The following GRIK3 variants were observed in gnomAD, a reference collection of about 807,000 sequenced individuals.
GRIK3 encodes the protein glutamate receptor ionotropic, kainate 3.
GRIK3 carries 29 observed loss-of-function variants against 102.5 expected under a neutral mutation model. That is an observed-to-expected ratio of 0.28 (90% CI 0.21 to 0.39). The LOEUF (loss-of-function observed/expected upper bound fraction) is 0.39. Among genes scored for constraint, GRIK3 ranks in the 10% least tolerant of loss-of-function variants. GRIK3 has a pLI of 1.00. For missense variants in GRIK3, 908 were observed against 1,252.4 expected, an observed-to-expected ratio of 0.73 and a Z score of 4.15; for synonymous variants, 511 against 504.9, an observed-to-expected ratio of 1.01 and a Z score of -0.16.
chr1:37,009,394 C>A (rs1480326823), intron 1 of GRIK3, among the ~76,000 whole-genome samples: 1 of 152,178 alleles, frequency 6.6e-6, no homozygotes, highest in African/African-American at 2.4e-5. Flanking sequence ...AGAGCCTGGG[C>A]CCCCTCACAC....
At chr1:36,988,413 G>A (rs1229317232) in intron 1 of GRIK3, among the ~76,000 whole-genome samples, 4 of 152,236 alleles carry the variant, frequency 2.6e-5, no homozygotes, top group Non-Finnish European at 5.9e-5. Context: ...TCCCATCTCT[G>A]GGGCAGCAGG....
Position 36,825,803 on chromosome 1 carries a change from G to C in GRIK3, c.1554C>G (p.Pro518=), listed in dbSNP as rs748165179. The C allele has an allele frequency of 6.2e-7, 1 of 1,612,028 alleles. No homozygotes were observed. The highest frequency in any genetic ancestry group is 1.1e-5 in the South Asian group (1 of 90,662). ...TCTCTCGAACATGGGTGATGGTCAGGGGGGCCACGGCCAGATCTGCCTTCT... is the reference window on the plus strand; with the variant it reads ...TCTCTCGAACATGGGTGATGGTCAGCGGGGCCACGGCCAGATCTGCCTTCT... ...IDHKADLAVA[P]LTITHVREKA... The change falls in exon 11 of 16, where the codon CCC becomes CCG. Residue 518 remains proline (P), a synonymous_variant. Transcript: ENST00000373091.
At chr1:36,976,874 A>G (rs1483699884) in intron 1 of GRIK3, among the ~76,000 whole-genome samples, 2 of 152,126 alleles carry the variant, frequency 1.3e-5, no homozygotes, top group African/African-American at 4.8e-5. Flanking sequence ...CTTCTGAAAC[A>G]CATCCCTCTG....
At chr1:36,949,639 A>G (rs1016488724) in intron 1 of GRIK3, among the ~76,000 whole-genome samples, 1 of 137,164 alleles carries the variant, frequency 7.3e-6, no homozygotes, top group Non-Finnish European at 1.5e-5. Context: ...CAATAGTGCA[A>G]CCTTGGCTCA....
At position 36,883,227 on chromosome 1, in the gene GRIK3, G is replaced by A. The variant is rs142564563; in HGVS notation, c.293-2336C>T. On this transcript the variant is annotated intron_variant, in intron 2 of 15. Coordinates refer to ENST00000373091, the MANE Select transcript of GRIK3 (RefSeq NM_000831.4). The stretch of plus-strand genomic sequence containing the variant: ...TAGTCAAGCTAAAAAACTGTTAAAC[G>A]AAACACGTCCTTTTCTCTTACCTTG... Among the ~76,000 whole-genome samples the A allele has an allele frequency of 5.1e-4, 78 of 152,318 alleles. 1 individual carries two copies. The highest frequency in any genetic ancestry group is 1.8e-3 in the African/African-American group (76 of 41,568).
Position 36,812,341 on chromosome 1 carries a change from T to G in GRIK3, c.2091+4719A>C, listed in dbSNP as rs138990936. ...CACTCCTTTCCTAAGCCGCTATCCC[T>G]CTCATCTGTTATGTGCTCTCCCACC... On this transcript the variant is annotated intron_variant, in intron 13 of 15. Transcript: ENST00000373091. Among the ~76,000 whole-genome samples the G allele has an allele frequency of 3.3e-3, 504 of 152,138 alleles. 3 individuals are homozygous for G. The highest frequency in any genetic ancestry group is 0.011 in the African/African-American group (474 of 41,528).
intron 1 of GRIK3, among the ~76,000 whole-genome samples, chr1:37,018,758 C>T (rs1267877924): frequency 6.6e-6 from 1 of 151,842 alleles, no homozygotes; most frequent in Non-Finnish European, 1.5e-5. Context: ...TTGATGCCTG[C>T]ATTGATGGAT....
chr1:37,010,424 A>G (rs1642581915), intron 1 of GRIK3, among the ~76,000 whole-genome samples: 1 of 152,218 alleles, frequency 6.6e-6, no homozygotes, highest in African/African-American at 2.4e-5. Context: ...TCCTTTCTAC[A>G]ATCCTGGGGA....
intron 15 of GRIK3, 122 bp downstream of exon 15, chr1:36,804,865 A>C (rs546182164): frequency 7.8e-7 from 1 of 1,279,814 alleles, no homozygotes; most frequent in African/African-American, 1.5e-5. Flanking sequence ...GGCCGACTGG[A>C]TGCAGGGTGA....
At chr1:36,882,620 C>T (rs1640994258) in intron 2 of GRIK3, among the ~76,000 whole-genome samples, 1 of 152,160 alleles carries the variant, frequency 6.6e-6, no homozygotes, top group African/African-American at 2.4e-5. Flanking sequence ...TAGTTCACAG[C>T]CATGAGTTTA....
chr1:36,967,138 C>T (rs1466304694), intron 1 of GRIK3, among the ~76,000 whole-genome samples: 1 of 152,184 alleles, frequency 6.6e-6, no homozygotes, highest in East Asian at 1.9e-4. Flanking sequence ...GACTCTAGGG[C>T]CTTCCCTTTT....
chr1:36,989,937 T>C (rs1022000349), intron 1 of GRIK3, among the ~76,000 whole-genome samples: 1 of 152,210 alleles, frequency 6.6e-6, no homozygotes, highest in Admixed American at 6.5e-5. Flanking sequence ...ATTAAAATCC[T>C]ATGAAGCAAA....
At chr1:36,883,909 A>T (rs1641010513) in intron 2 of GRIK3, among the ~76,000 whole-genome samples, 1 of 152,210 alleles carries the variant, frequency 6.6e-6, no homozygotes, top group Admixed American at 6.5e-5. Context: ...TATATAAAGA[A>T]GTTATTTTTC....
intron 1 of GRIK3, among the ~76,000 whole-genome samples, chr1:36,978,324 C>A (rs1326409710): frequency 6.6e-6 from 1 of 152,240 alleles, no homozygotes; most frequent in Non-Finnish European, 1.5e-5. Flanking sequence ...ATATACTGAG[C>A]CATCACTGCA....
chr1:36,838,539 A>G lies in GRIK3; in HGVS notation c.1530+3197T>C, dbSNP rs563184855. 3.9e-5 allele frequency among the ~76,000 whole-genome samples: 6 copies of G among 152,258 alleles called. No individual in the cohort carries two copies. In the East Asian group the frequency reaches 7.7e-4, roughly 20 times the overall value. ...CAGGCGAGTGTGTCAGCAGAAGGCG[A>G]TGCATCCTCTAGCCACCCCATCTTC... On this transcript the variant is annotated intron_variant, in intron 10 of 15. Transcript: ENST00000373091.
intron 1 of GRIK3, among the ~76,000 whole-genome samples, chr1:36,897,641 A>G (rs1476539107): frequency 6.6e-6 from 1 of 152,182 alleles, no homozygotes; most frequent in Non-Finnish European, 1.5e-5. Context: ...ACAGGCAATA[A>G]TAAATGCTAC....
intron 1 of GRIK3, among the ~76,000 whole-genome samples, chr1:36,967,782 C>A (rs1048281403): frequency 6.6e-6 from 1 of 152,204 alleles, no homozygotes; most frequent in African/African-American, 2.4e-5. Flanking sequence ...CTCTCTAAGG[C>A]TCTGTTTTTT....
intron 9 of GRIK3, among the ~76,000 whole-genome samples, chr1:36,843,972 G>C (rs767204153): frequency 2.0e-5 from 3 of 152,232 alleles, no homozygotes; most frequent in Non-Finnish European, 4.4e-5. Flanking sequence ...GGGTGGGATG[G>C]GCAGTGGAAG....
At chr1:36,992,803 T>C (rs1395645809) in intron 1 of GRIK3, among the ~76,000 whole-genome samples, 1 of 152,072 alleles carries the variant, frequency 6.6e-6, no homozygotes, top group Non-Finnish European at 1.5e-5. Context: ...GTGAGGTGAG[T>C]ACACCATCAC....
Sources: gnomAD v4.1 joint callset for allele counts (sites outside exome capture counted in the v4.1 genomes callset) on GRCh38, gnomAD v4.1.1 for gene constraint, MANE v1.5 for transcripts, NCBI Gene and HGNC (gene_info 2026-07-23, HGNC 2026-07-21) for gene names.